Variants in CPNE5 observed in about 807,000 individuals in gnomAD.
CPNE5 encodes copine-5.
Under a neutral mutation model 81.1 loss-of-function variants are expected in CPNE5, and 42 were observed. That is an observed-to-expected ratio of 0.52 (90% CI 0.40 to 0.67). CPNE5 has a LOEUF of 0.67. CPNE5 is among the 30% of genes least tolerant of loss of function. The probability of loss-of-function intolerance (pLI) is 0.00; values close to 1 mark genes in which losing one functional copy is unlikely to be tolerated. For missense variants in CPNE5, 612 were observed against 815.5 expected (o/e 0.75, Z 3.04); for synonymous variants, 313 against 321.5 (o/e 0.97, Z 0.28).
chr6:36,748,265 G>A lies in CPNE5; in HGVS notation c.974C>T (p.Thr325Ile). The A allele has an allele frequency of 6.2e-7, 1 of 1,614,114 alleles. No individual in the cohort carries two copies. Among genetic ancestry groups the A allele is most frequent in the Non-Finnish European group, 8.5e-7 (1 of 1,179,966 alleles). The change falls in exon 15 of 21, where the codon ACC becomes ATC. Residue 325 changes from threonine (T) to isoleucine (I), a missense_variant and splice_region_variant. Coordinates refer to ENST00000244751, the MANE Select transcript of CPNE5 (RefSeq NM_020939.2). ...AATGGCCACAGTGAAGTTGATCTGGGTCCTAGAAGAGGGAGAACAGCAGGG... is the reference window on the plus strand; with the variant it reads ...AATGGCCACAGTGAAGTTGATCTGGATCCTAGAAGAGGGAGAACAGCAGGG... ...CTFLDYIKGG[T>I]QINFTVAIDF... is the part of the protein sequence containing the mutation.
Position 36,769,527 on chromosome 6 carries a change from G to A in CPNE5, c.738-4151C>T, listed in dbSNP as rs763486496. Among the ~76,000 whole-genome samples, 50 of 152,252 alleles carry A rather than the reference G, an allele frequency of 3.3e-4. 1 individual carries two copies. The highest frequency in any genetic ancestry group is 3.0e-3 in the Admixed American group (46 of 15,290). ...ATGAGCCTCTGCCTGGCAGGGGGAAGGTTTCCCTGCGGCTTACAAGTCCCG... is the reference window on the plus strand; with the variant it reads ...ATGAGCCTCTGCCTGGCAGGGGGAAAGTTTCCCTGCGGCTTACAAGTCCCG... On this transcript the variant is annotated intron_variant, in intron 10 of 20. Transcript: ENST00000244751.
chr6:36,747,847 C>G (rs1374135784), intron 15 of CPNE5, among the ~76,000 whole-genome samples: 1 of 152,228 alleles, frequency 6.6e-6, no homozygotes, highest in Non-Finnish European at 1.5e-5. Context: ...CACCACAGAG[C>G]TCAGCCTTGG....
At chr6:36,809,844 C>T (rs1313095886) in intron 3 of CPNE5, among the ~76,000 whole-genome samples, 2 of 151,818 alleles carry the variant, frequency 1.3e-5, no homozygotes, top group African/African-American at 4.8e-5. Flanking sequence ...GTGGACATCC[C>T]TGCTCAGGTT....
At chr6:36,747,445 A>G (rs1039099006) in intron 15 of CPNE5, among the ~76,000 whole-genome samples, 2 of 152,118 alleles carry the variant, frequency 1.3e-5, no homozygotes, top group African/African-American at 4.8e-5. Context: ...AATAGTTCCT[A>G]CTTCATAGGA....
upstream of CPNE5, chr6:36,839,863 C>T (rs1301871964): frequency 6.6e-6 from 1 of 151,108 alleles, no homozygotes; most frequent in Non-Finnish European, 1.5e-5. The surrounding 1 kb of genome is among the most constrained non-coding windows in gnomAD (Gnocchi z 7.3). Flanking sequence ...CAGCGCGGAG[C>T]CCGAGCGCCC....
At chr6:36,795,405 C>T (rs367582362) in intron 6 of CPNE5, among the ~76,000 whole-genome samples, 48 of 152,290 alleles carry the variant, frequency 3.2e-4, no homozygotes, top group African/African-American at 1.1e-3. Context: ...TCTCGAACTC[C>T]TGACCTCAGG....
chr6:36,744,708 G>T (rs759830626), intron 18 of CPNE5, among the ~76,000 whole-genome samples: 3 of 152,172 alleles, frequency 2.0e-5, no homozygotes, highest in Non-Finnish European at 4.4e-5. Flanking sequence ...AGGGGGAAGC[G>T]GTCCTAGAGA....
chr6:36,823,905 G>A (rs537693571), intron 1 of CPNE5, among the ~76,000 whole-genome samples: 1 of 152,344 alleles, frequency 6.6e-6, no homozygotes, highest in East Asian at 1.9e-4. Flanking sequence ...GGAGGGGAGA[G>A]GAGGGGAGGA....
At chr6:36,837,244 G>C (rs1408904382) in intron 1 of CPNE5, among the ~76,000 whole-genome samples, 1 of 152,250 alleles carries the variant, frequency 6.6e-6, no homozygotes, top group Non-Finnish European at 1.5e-5. Flanking sequence ...GCAAGTGCCA[G>C]GCACTGCTCT....
At chr6:36,778,117 A>G (rs1303948922) in intron 9 of CPNE5, among the ~76,000 whole-genome samples, 3 of 152,168 alleles carry the variant, frequency 2.0e-5, no homozygotes, top group Non-Finnish European at 4.4e-5. Flanking sequence ...GGTTCATTTT[A>G]CAGATGAGAA....
At chr6:36,764,395 G>C (rs1355409264) in intron 11 of CPNE5, among the ~76,000 whole-genome samples, 1 of 151,964 alleles carries the variant, frequency 6.6e-6, no homozygotes, top group Non-Finnish European at 1.5e-5. Flanking sequence ...AGGGGGCTTG[G>C]GTCTCACCTG....
In CPNE5 at chr6:36,746,330, C is replaced by T. The variant is rs114256277; in HGVS notation, c.1200+66G>A. ...GCTCAGAGGAAGGGAAACGTCCCCC[C>T]ACCCCCAGCTTGTCACCTCACCCCC... On this transcript the variant is annotated intron_variant, in intron 16 of 20. Coordinates refer to ENST00000244751, the MANE Select transcript of CPNE5 (RefSeq NM_020939.2). The surrounding 1 kb of genome is among the most constrained non-coding windows in gnomAD (Gnocchi z 4.5). The T allele has an allele frequency of 1.4e-6, 2 of 1,408,986 alleles. No individual in the cohort carries two copies. The highest frequency in any genetic ancestry group is 1.9e-6 in the Non-Finnish European group (2 of 1,061,448). The allele number at this position is 1,408,986 out of a possible 1,614,324, so 87.3% of individuals were successfully genotyped here.
At chr6:36,825,447 C>G (rs1021494801) in intron 1 of CPNE5, among the ~76,000 whole-genome samples, 3 of 152,160 alleles carry the variant, frequency 2.0e-5, no homozygotes, top group Non-Finnish European at 4.4e-5. Context: ...AGGGGCCACT[C>G]CCCAAAGGCA....
intron 7 of CPNE5, chr6:36,792,484 T>A: frequency 1.0e-6 from 1 of 994,444 alleles, no homozygotes; most frequent in Non-Finnish European, 1.4e-6. Context: ...CCACCCCACC[T>A]CACACCCAGC....
chr6:36,803,659 T>G (rs962067846), intron 3 of CPNE5, among the ~76,000 whole-genome samples: 1 of 152,246 alleles, frequency 6.6e-6, no homozygotes, highest in Non-Finnish European at 1.5e-5. Context: ...CCTATATGTG[T>G]GTGTTGTTTG....
chr6:36,838,218 T>C (rs1208832321), intron 1 of CPNE5, among the ~76,000 whole-genome samples: 1 of 152,108 alleles, frequency 6.6e-6, no homozygotes, highest in Non-Finnish European at 1.5e-5. Context: ...AGGTTACCTC[T>C]CATGGAGGGT....
At position 36,782,816 on chromosome 6, in the gene CPNE5, AACACACACACACACAC is replaced by A. The variant is rs3997726; in HGVS notation, c.529-3875_529-3860del. ...TCTCAAATAATAAAACAAAAACCAA[AACACACACACACACAC>A]ACACACACACACACACACACACACA... On this transcript the variant is annotated intron_variant, in intron 8 of 20. Transcript: ENST00000244751. Among the ~76,000 whole-genome samples, 211 of 126,320 alleles carry A rather than the reference AACACACACACACACAC, an allele frequency of 1.7e-3. 2 individuals are homozygous for A. Among genetic ancestry groups the A allele is most frequent in the South Asian group, 5.0e-3 (18 of 3,600 alleles). The allele number at this position is 126,320 out of a possible 152,430, so 82.9% of individuals were successfully genotyped here. A position where few individuals can be genotyped will look rare whatever the true frequency, so the allele number is the denominator to read the frequency against.
At chr6:36,800,167 GT>G (rs1343778810) in intron 3 of CPNE5, 97 bp from the exon 4 acceptor site, 3 of 744,552 alleles carry the variant, frequency 4.0e-6, no homozygotes, top group Non-Finnish European at 6.5e-6. Context: ...CTTAGTCCTG[GT>G]TCTGGCAGTT....
intron 10 of CPNE5, among the ~76,000 whole-genome samples, chr6:36,768,820 C>T (rs1043103541): frequency 2.0e-5 from 3 of 152,226 alleles, no homozygotes; most frequent in Non-Finnish European, 2.9e-5. Context: ...AAAAGACCTT[C>T]GGCTGTGGGG....
Sources: gnomAD v4.1 joint callset for allele counts (sites outside exome capture counted in the v4.1 genomes callset) on GRCh38, gnomAD v4.1.1 for gene constraint, Gnocchi (gnomAD v3.1) non-coding constraint, MANE v1.5 for transcripts, NCBI Gene and HGNC (gene_info 2026-07-23, HGNC 2026-07-21) for gene names.